Variants in EFL1 observed in about 807,000 individuals in gnomAD.
The protein encoded by EFL1 is elongation factor like GTPase 1, also known as elongation factor-like GTPase 1.
EFL1 carries 76 observed loss-of-function variants against 126.7 expected under a neutral mutation model. The ratio of observed to expected loss-of-function variants is 0.60; its 90% CI spans 0.50 to 0.73. The LOEUF (loss-of-function observed/expected upper bound fraction) is 0.73. Ranked by LOEUF, EFL1 falls within the 30% of genes least tolerant of loss-of-function variation. The pLI is 0.00. For missense variants in EFL1, 1,128 were observed against 1,343.2 expected (o/e 0.84, Z 2.50); for synonymous variants, 410 against 448.4 (o/e 0.91, Z 1.08).
chr15:82,238,424 C>G lies in EFL1; in HGVS notation c.614G>C (p.Gly205Ala). 1 of 1,614,150 alleles carries G rather than the reference C, an allele frequency of 6.2e-7. No homozygotes were observed. The highest frequency in any genetic ancestry group is 1.1e-5 in the South Asian group (1 of 91,078). Residue 205 changes from glycine to alanine, a missense_variant, in exon 7 of 20, where the codon GGA becomes GCA. By Grantham distance (60) the Gly-to-Ala change is moderately conservative (BLOSUM62 0). This residue lies in a region of EFL1 where 316 missense variants were observed against 318.5 expected (regional missense o/e 0.99). Transcript: ENST00000268206. ...ESQVNPNSEQGEQVYDWSTGL... is the reference protein window; with the variant it reads ...ESQVNPNSEQAEQVYDWSTGL... Reference sequence around the variant, plus strand: ...AGTGCTCCAGTCATATACTTGCTCTCCTTGTTCAGAATTTGGATTCACTTG... The same window carrying G: ...AGTGCTCCAGTCATATACTTGCTCTGCTTGTTCAGAATTTGGATTCACTTG...
rs541891141 is a variant in EFL1, at chr15:82,262,667, G to A, written c.-73C>T. The A allele has an allele frequency of 2.8e-4, 151 of 535,854 alleles. 1 individual carries two copies. In the East Asian group the frequency reaches 2.9e-3, roughly 10 times the overall value. The allele number at this position is 535,854 out of a possible 1,614,324, so 33.2% of individuals were successfully genotyped here. Reference sequence around the variant, plus strand: ...CCTTCTCTCGGGTCGCACCCACACCGAGAGCTTCCGAAAGTCCGAGAGCTC... The same window carrying A: ...CCTTCTCTCGGGTCGCACCCACACCAAGAGCTTCCGAAAGTCCGAGAGCTC... On this transcript the variant is annotated 5_prime_UTR_variant, in exon 1 of 20. Coordinates refer to ENST00000268206, the MANE Select transcript of EFL1 (RefSeq NM_024580.6).
chr15:82,187,575 T>TA (rs1265225310), intron 15 of EFL1, among the ~76,000 whole-genome samples: 5 of 152,278 alleles, frequency 3.3e-5, no homozygotes, highest in African/African-American at 9.6e-5. Flanking sequence ...AATTTCTACT[T>TA]AGAGTACAAA....
At chr15:82,135,154 T>G (rs1407027160) in intron 19 of EFL1, among the ~76,000 whole-genome samples, 2 of 152,164 alleles carry the variant, frequency 1.3e-5, no homozygotes, top group Non-Finnish European at 2.9e-5. Flanking sequence ...AGAAGGATGG[T>G]ACAAAACTGG....
chr15:82,175,528 C>T (rs1277730595), intron 15 of EFL1, among the ~76,000 whole-genome samples: 1 of 152,068 alleles, frequency 6.6e-6, no homozygotes, highest in Non-Finnish European at 1.5e-5. Context: ...ATACCATTTT[C>T]AATATGAATG....
chr15:82,250,062 T>C (rs1016706164), intron 4 of EFL1, among the ~76,000 whole-genome samples: 5 of 151,798 alleles, frequency 3.3e-5, no homozygotes, highest in African/African-American at 1.2e-4. Flanking sequence ...ATGGTATAAA[T>C]AAAAGTCACC....
rs144720203 is a variant in EFL1, at chr15:82,218,351, G to C, written c.1611+1301C>G. Among the ~76,000 whole-genome samples, 46 of 152,084 alleles carry C rather than the reference G, an allele frequency of 3.0e-4. No individual in the cohort carries two copies. In the East Asian group the frequency reaches 8.9e-3, roughly 29 times the overall value. On this transcript the variant is annotated intron_variant, in intron 14 of 19. Transcript: ENST00000268206. ...TGGAATTAGGTTTTATGGTGCTCTG[G>C]TTACTGAAATAAGAGGCCATTTGAG...
At chr15:82,202,814 A>T (rs1815892141) in intron 15 of EFL1, among the ~76,000 whole-genome samples, 1 of 145,642 alleles carries the variant, frequency 6.9e-6, no homozygotes. Flanking sequence ...GTGTTCCCTA[A>T]TTTTTTTTTT....
intron 17 of EFL1, among the ~76,000 whole-genome samples, chr15:82,154,142 G>A (rs774954887): frequency 2.5e-4 from 38 of 152,186 alleles, no homozygotes; most frequent in Non-Finnish European, 4.3e-4. Flanking sequence ...AGCTGTGGAA[G>A]GAAGTGTGTG....
intron 15 of EFL1, among the ~76,000 whole-genome samples, chr15:82,171,105 C>A (rs1393681980): frequency 6.6e-6 from 1 of 152,166 alleles, no homozygotes; most frequent in Non-Finnish European, 1.5e-5. Flanking sequence ...GAAACAGAGT[C>A]ACTTCTGGAT....
Position 82,241,390 on chromosome 15 carries a change from G to A in EFL1, c.258C>T (p.Tyr86=), listed in dbSNP as rs1472552527. 3.2e-5 allele frequency: 51 copies of A among 1,613,608 alleles called. No individual in the cohort carries two copies. The highest frequency in any genetic ancestry group is 4.3e-5 in the Non-Finnish European group (51 of 1,179,838). The change falls in exon 5 of 20, where the codon TAC becomes TAT. Residue 86 remains tyrosine, a synonymous_variant. Transcript: ENST00000268206. ...SLHYATGNEE[Y]LINLIDSPGH... ...CTGGAGAGTCTATCAGATTGATCAG[G>A]TACTCCTCATTACCTAAAATACAAT... is the stretch of plus-strand genomic sequence containing the variant.
intron 8 of EFL1, among the ~76,000 whole-genome samples, chr15:82,229,623 G>T (rs560598989): frequency 6.6e-6 from 1 of 152,076 alleles, no homozygotes; most frequent in South Asian, 2.1e-4. Context: ...CACGAGATGG[G>T]ATATATTAAT....
intron 2 of EFL1, 28 bp from the exon 3 acceptor site, chr15:82,259,183 T>C (rs751896534): frequency 2.5e-6 from 4 of 1,597,384 alleles, no homozygotes; most frequent in African/African-American, 2.7e-5. Context: ...TCAATTCAAA[T>C]CTATATCTTT....
chr15:82,255,043 T>C (rs1161931727), intron 3 of EFL1, among the ~76,000 whole-genome samples: 2 of 152,212 alleles, frequency 1.3e-5, no homozygotes, highest in African/African-American at 4.8e-5. Context: ...TCCCTACCAG[T>C]AGAATTTCTG....
intron 2 of EFL1, among the ~76,000 whole-genome samples, chr15:82,260,048 T>C (rs2075099810): frequency 6.6e-6 from 1 of 152,180 alleles, no homozygotes; most frequent in African/African-American, 2.4e-5. Flanking sequence ...GCAGGAACTT[T>C]GCTTTATTCA....
intron 18 of EFL1, among the ~76,000 whole-genome samples, chr15:82,149,310 T>G (rs897993153): frequency 6.6e-6 from 1 of 152,204 alleles, no homozygotes; most frequent in Non-Finnish European, 1.5e-5. Context: ...TAGGAGTTCA[T>G]ACAACTACAT....
chr15:82,172,438 T>C (rs1489760706), intron 15 of EFL1, among the ~76,000 whole-genome samples: 1 of 152,162 alleles, frequency 6.6e-6, no homozygotes, highest in Non-Finnish European at 1.5e-5. Flanking sequence ...GCGTTTCTGA[T>C]TGGGGCCTAC....
intron 19 of EFL1, among the ~76,000 whole-genome samples, chr15:82,131,464 A>G (rs1486564335): frequency 6.6e-6 from 1 of 151,986 alleles, no homozygotes; most frequent in Non-Finnish European, 1.5e-5. Context: ...GCTAATTTTT[A>G]ATTTTTTTTC....
intron 15 of EFL1, among the ~76,000 whole-genome samples, chr15:82,201,015 T>C (rs1173549078): frequency 6.6e-6 from 1 of 152,232 alleles, no homozygotes; most frequent in Non-Finnish European, 1.5e-5. Context: ...TGAGACTACA[T>C]GCAAGTGCCA....
intron 15 of EFL1, among the ~76,000 whole-genome samples, chr15:82,166,571 C>A (rs529654714): frequency 2.8e-4 from 43 of 152,222 alleles, no homozygotes; most frequent in African/African-American, 1.0e-3. Context: ...TTTAAAATTC[C>A]TTTTCAGAAT....
Sources: gnomAD v4.1 joint callset for allele counts (sites outside exome capture counted in the v4.1 genomes callset) on GRCh38, gnomAD v4.1.1 for gene constraint, gnomAD v4.1.1 regional missense constraint, MANE v1.5 for transcripts, NCBI Gene and HGNC (gene_info 2026-07-23, HGNC 2026-07-21) for gene names.